The following CDH18 variants were observed in gnomAD, a reference collection of about 807,000 sequenced individuals.
CDH18 encodes cadherin-18.
A neutral mutation model predicts 67.9 loss-of-function variants in CDH18; 31 were observed. The ratio of observed to expected loss-of-function variants is 0.46; its 90% confidence interval spans 0.34 to 0.62. The LOEUF (loss-of-function observed/expected upper bound fraction) is 0.62, where lower values mean the gene tolerates loss of function less well. Ranked by LOEUF, CDH18 falls within the 20% of genes least tolerant of loss-of-function variation. The pLI, the probability that CDH18 is intolerant of heterozygous loss-of-function variation, is 0.01. For missense variants in CDH18, 890 were observed against 975.5 expected (o/e 0.91, Z 1.17); for synonymous variants, 362 against 347.2 (o/e 1.04, Z -0.48).
intron 9 of CDH18, among the ~76,000 whole-genome samples, chr5:19,541,019 T>C (rs1269689447): frequency 6.6e-6 from 1 of 152,132 alleles, no homozygotes; most frequent in African/African-American, 2.4e-5. Flanking sequence ...ACTTTTATGC[T>C]CTGCTTCCTC....
chr5:20,459,630 T>C (rs888850682), intron 1 of CDH18, among the ~76,000 whole-genome samples: 2 of 152,172 alleles, frequency 1.3e-5, no homozygotes, highest in Admixed American at 6.5e-5. Flanking sequence ...CATAATTATA[T>C]GGATGGGCTC....
chr5:19,974,520 C>CCA (rs1798320979), intron 2 of CDH18, among the ~76,000 whole-genome samples: 1 of 78,272 alleles, frequency 1.3e-5, no homozygotes, highest in African/African-American at 5.0e-5. Context: ...TCCTGTCTCC[C>CCA]AAAAAAAAAA....
chr5:19,772,983 GTGAATTATTGTGTGA>G (rs1773895776), intron 3 of CDH18, among the ~76,000 whole-genome samples: 1 of 152,006 alleles, frequency 6.6e-6, no homozygotes. Context: ...TTAAGAGCTG[GTGAATTATTGTGTGA>G]TATTTATAAG....
At chr5:19,991,290 A>G (rs1315435374), upstream of CDH18, among the ~76,000 whole-genome samples, 1 of 152,212 alleles carries the variant, frequency 6.6e-6, no homozygotes, top group Non-Finnish European at 1.5e-5. Flanking sequence ...TCAACTGCAC[A>G]AACATGGTGC....
chr5:20,101,143 G>A (rs920304551), intron 2 of CDH18, among the ~76,000 whole-genome samples: 5 of 150,516 alleles, frequency 3.3e-5, no homozygotes, highest in Admixed American at 2.0e-4. Flanking sequence ...TTTATTTTTT[G>A]TAGAGGCAGG....
chr5:19,679,724 C>T (rs889351041), intron 5 of CDH18, among the ~76,000 whole-genome samples: 1 of 151,856 alleles, frequency 6.6e-6, no homozygotes, highest in Non-Finnish European at 1.5e-5. Flanking sequence ...TCTAATAATA[C>T]AGCTAAGTGT....
chr5:19,556,897 A>G (rs1459052014), intron 8 of CDH18, among the ~76,000 whole-genome samples: 4 of 152,192 alleles, frequency 2.6e-5, no homozygotes, highest in Non-Finnish European at 5.9e-5. Context: ...CAAAAACACC[A>G]GGTAATCTAT....
At chr5:20,163,230 T>C (rs907100047) in intron 2 of CDH18, among the ~76,000 whole-genome samples, 1 of 152,124 alleles carries the variant, frequency 6.6e-6, no homozygotes, top group African/African-American at 2.4e-5. Context: ...CTCAAAAGAA[T>C]ACAGAGCCCT....
At chr5:19,665,112 T>C (rs1320884350) in intron 5 of CDH18, among the ~76,000 whole-genome samples, 2 of 152,102 alleles carry the variant, frequency 1.3e-5, no homozygotes, top group South Asian at 2.1e-4. Flanking sequence ...TGAAAATGTT[T>C]AGAAAAAAAT....
intron 2 of CDH18, among the ~76,000 whole-genome samples, chr5:19,839,985 G>C (rs147862235): frequency 6.6e-6 from 1 of 151,998 alleles, no homozygotes; most frequent in African/African-American, 2.4e-5. Context: ...AAGGCCGGGT[G>C]GGGTGGCTCA....
At chr5:20,376,394 G>A (rs1019063621) in intron 1 of CDH18, among the ~76,000 whole-genome samples, 17 of 151,568 alleles carry the variant, frequency 1.1e-4, no homozygotes, top group African/African-American at 4.1e-4. Flanking sequence ...GGCCAAAAAC[G>A]CAATAGGTTT....
intron 1 of CDH18, among the ~76,000 whole-genome samples, chr5:20,327,864 C>A (rs2150019110): frequency 6.6e-6 from 1 of 151,844 alleles, no homozygotes; most frequent in South Asian, 2.1e-4. Flanking sequence ...AGAGCAAGAC[C>A]CTGTCTCTAC....
intron 1 of CDH18, among the ~76,000 whole-genome samples, chr5:20,476,940 T>A (rs1228235706): frequency 1.3e-5 from 2 of 152,206 alleles, no homozygotes; most frequent in Non-Finnish European, 2.9e-5. Flanking sequence ...CAGAGATTTT[T>A]AAAATAAATT....
At chr5:20,313,497 T>C (rs1186714702) in intron 1 of CDH18, among the ~76,000 whole-genome samples, 1 of 152,126 alleles carries the variant, frequency 6.6e-6, no homozygotes, top group African/African-American at 2.4e-5. Flanking sequence ...ATACACTCAA[T>C]AAAGTACCTC....
intron 2 of CDH18, among the ~76,000 whole-genome samples, chr5:19,853,862 A>G (rs1272189114): frequency 2.0e-5 from 3 of 152,194 alleles, no homozygotes; most frequent in African/African-American, 7.2e-5. Flanking sequence ...ACTGATCTGG[A>G]CAACTATAAA....
At chr5:20,230,610 C>T (rs1741989686) in intron 2 of CDH18, among the ~76,000 whole-genome samples, 1 of 151,838 alleles carries the variant, frequency 6.6e-6, no homozygotes, top group African/African-American at 2.4e-5. Flanking sequence ...CCATCACATA[C>T]ATACCTTCAT....
intron 5 of CDH18, among the ~76,000 whole-genome samples, chr5:19,690,982 A>G (rs1285168144): frequency 6.6e-6 from 1 of 151,894 alleles, no homozygotes; most frequent in Non-Finnish European, 1.5e-5. Flanking sequence ...AACAAAAGCT[A>G]CAGGTTAATA....
chr5:20,037,204 T>C (rs1386939377), intron 2 of CDH18, among the ~76,000 whole-genome samples: 1 of 152,108 alleles, frequency 6.6e-6, no homozygotes, highest in African/African-American at 2.4e-5. Context: ...AGTTTCTTCA[T>C]ACTGTCGATG....
chr5:20,338,549 A>G (rs1054924383), intron 1 of CDH18, among the ~76,000 whole-genome samples: 1 of 152,210 alleles, frequency 6.6e-6, no homozygotes, highest in Non-Finnish European at 1.5e-5. Context: ...AAAAGAAGAA[A>G]GCATAGCTAG....
Sources: gnomAD v4.1 joint callset for allele counts (sites outside exome capture counted in the v4.1 genomes callset) on GRCh38, gnomAD v4.1.1 for gene constraint, MANE v1.5 for transcripts, NCBI Gene and HGNC (gene_info 2026-07-23, HGNC 2026-07-21) for gene names.